RYR1: variants seen among roughly 807,000 people sequenced by gnomAD.
The protein encoded by RYR1 is ryanodine receptor 1, also known as central core disease of muscle.
In RYR1, 342 loss-of-function variants were observed where a neutral mutation model predicts 583.5. The observed-to-expected ratio is 0.59, with a 90% CI of 0.54 to 0.64. The LOEUF (loss-of-function observed/expected upper bound fraction) is 0.64, where lower values mean the gene tolerates loss of function less well. Among genes scored for constraint, RYR1 ranks in the 30% least tolerant of loss-of-function variants. The pLI, the probability that RYR1 is intolerant of heterozygous loss-of-function variation, is 0.00. For synonymous variants in RYR1, 2,791 were observed against 2,822.5 expected (o/e 0.99, Z 0.35); for missense variants, 6,032 against 6,917.2 (o/e 0.87, Z 4.54).
rs1307510140 is a variant in RYR1, at chr19:38,463,791, C to A, written c.2727C>A (p.Phe909Leu). ...NKRLHPCLVD[F>L]HSLPEPERNY... ...GGCTGCACCCGTGTCTTGTGGACTTCCACAGCCTTCCAGAGCCTGAGAGGA... is the reference window on the plus strand; with the variant it reads ...GGCTGCACCCGTGTCTTGTGGACTTACACAGCCTTCCAGAGCCTGAGAGGA... The change falls in exon 22 of 106, where the codon TTC becomes TTA. Residue 909 changes from phenylalanine (F) to leucine (L), a missense_variant. This residue lies in a region of RYR1 where 2,627 missense variants were observed against 2,961.3 expected (regional missense o/e 0.89). Coordinates refer to ENST00000359596, the MANE Select transcript of RYR1 (RefSeq NM_000540.3). 1 of 1,614,070 alleles carries A rather than the reference C, an allele frequency of 6.2e-7. No individual in the cohort carries two copies. The highest frequency in any genetic ancestry group is 1.7e-5 in the Admixed American group (1 of 59,998).
At position 38,478,653 on chromosome 19, in the gene RYR1, G is replaced by A. The variant is rs115315524; in HGVS notation, c.4620+53G>A. 2.9e-4 allele frequency: 466 copies of A among 1,595,154 alleles called. 3 individuals carry two copies. The African/African-American group carries it at 5.4e-3, about 19-fold the overall frequency. On this transcript the variant is annotated intron_variant, in intron 31 of 105. Coordinates refer to ENST00000359596, the MANE Select transcript of RYR1 (RefSeq NM_000540.3). Reference sequence around the variant, plus strand: ...AGAGCATCATGTCCCAGCATCCCAGGACAGCTCTTATAGATGTCCCCTGAG... The same window carrying A: ...AGAGCATCATGTCCCAGCATCCCAGAACAGCTCTTATAGATGTCCCCTGAG...
intron 92 of RYR1, 84 bp downstream of exon 92, chr19:38,567,071 G>A: frequency 6.5e-7 from 1 of 1,542,780 alleles, no homozygotes. Context: ...AGGCCCCAAG[G>A]CTGTCCTGGC....
chr19:38,467,701 G>C lies in RYR1; in HGVS notation c.3270G>C (p.Glu1090Asp). Residue 1090 changes from glutamate to aspartate, a missense_variant, in exon 25 of 106, where the codon GAG (glutamate) becomes GAC (aspartate). This residue lies in a region of RYR1 where 2,627 missense variants were observed against 2,961.3 expected (regional missense o/e 0.89). Coordinates refer to ENST00000359596, the MANE Select transcript of RYR1 (RefSeq NM_000540.3). ...TGCAGAGCGGCCGCTGGTACTTCGAGTTTGAAGCAGTCACCACAGGCGAGA... is the reference window on the plus strand; with the variant it reads ...TGCAGAGCGGCCGCTGGTACTTCGACTTTGAAGCAGTCACCACAGGCGAGA... ...YTVQSGRWYF[E>D]FEAVTTGEMR... 6.2e-7 allele frequency: 1 copy of C among 1,614,240 alleles called. No individual in the cohort carries two copies. Among genetic ancestry groups the C allele is most frequent in the Non-Finnish European group, 8.5e-7 (1 of 1,180,038 alleles).
chr19:38,482,131 G>A (rs1969041118), intron 31 of RYR1, among the ~76,000 whole-genome samples: 2 of 152,004 alleles, frequency 1.3e-5, no homozygotes. Context: ...CAGAGTCTCA[G>A]ACCCCTTCCC....
chr19:38,451,895 C>T lies in RYR1; in HGVS notation c.1244+10C>T. 6.2e-7 allele frequency: 1 copy of T among 1,614,090 alleles called. No homozygotes were observed. The highest frequency in any genetic ancestry group is 8.5e-7 in the Non-Finnish European group (1 of 1,179,974). The stretch of plus-strand genomic sequence containing the variant: ...ACAACCAGTTCATCAAGTGAGCAAC[C>T]TGCCCTCCCTGCTGGGGTGACTCCT... On this transcript the variant is annotated intron_variant, in intron 12 of 105. Transcript: ENST00000359596.
intron 47 of RYR1, among the ~76,000 whole-genome samples, chr19:38,501,256 T>C (rs1970104349): frequency 6.6e-6 from 1 of 152,098 alleles, no homozygotes; most frequent in South Asian, 2.1e-4. Context: ...TCCCAGCACT[T>C]TGGGGAGCCG....
intron 37 of RYR1, among the ~76,000 whole-genome samples, chr19:38,491,988 C>G (rs892136602): frequency 6.6e-6 from 1 of 151,968 alleles, no homozygotes; most frequent in Non-Finnish European, 1.5e-5. Context: ...TCCTTTAGTT[C>G]TTTGAACATA....
chr19:38,567,925 T>G lies in RYR1; in HGVS notation c.13659+8T>G. The G allele has an allele frequency of 6.2e-7, 1 of 1,612,792 alleles. No individual in the cohort carries two copies. Among genetic ancestry groups the G allele is most frequent in the South Asian group, 1.1e-5 (1 of 91,018 alleles). On this transcript the variant is annotated splice_region_variant and intron_variant, in intron 93 of 105. Transcript: ENST00000359596. ...CAGAGGGTGAAGTTCCTGGTAAGGATCCAGCCAGGTCACCTGAACCTTCTT... is the reference window on the plus strand; with the variant it reads ...CAGAGGGTGAAGTTCCTGGTAAGGAGCCAGCCAGGTCACCTGAACCTTCTT...
chr19:38,515,242 C>T (rs1970910388), intron 64 of RYR1, 135 bp downstream of exon 64: 1 of 743,084 alleles, frequency 1.3e-6, no homozygotes, highest in Non-Finnish European at 2.3e-6. Flanking sequence ...GCCGCGGTTC[C>T]CCACGGCGGC....
chr19:38,441,011 C>T, intron 2 of RYR1, 147 bp downstream of exon 2: 1 of 688,840 alleles, frequency 1.5e-6, no homozygotes, highest in Non-Finnish European at 2.2e-6. Flanking sequence ...AGAGGGGCTA[C>T]CTGAGGTGGG....
intron 52 of RYR1, 93 bp from the exon 53 acceptor site, chr19:38,505,216 C>A (rs893846097): frequency 8.6e-7 from 1 of 1,164,912 alleles, no homozygotes; most frequent in Non-Finnish European, 1.3e-6. Context: ...TTCTGGGACC[C>A]CCCCAGGATT....
chr19:38,492,706 G>A, intron 38 of RYR1, 70 bp downstream of exon 38: 2 of 1,502,398 alleles, frequency 1.3e-6, no homozygotes, highest in East Asian at 2.4e-5. Flanking sequence ...GAGCCTCTGG[G>A]TCCCAAAGAG....
intron 58 of RYR1, among the ~76,000 whole-genome samples, chr19:38,509,450 A>T (rs10410603): frequency 0.14 from 15,070 of 104,108 alleles, 1,214 homozygotes; most frequent in Middle Eastern, 0.23. Context: ...TATTATTATT[A>T]TTTTTTTTTT....
chr19:38,537,995 G>T (rs772640123), intron 84 of RYR1, 35 bp downstream of exon 84: 11 of 1,594,678 alleles, frequency 6.9e-6, no homozygotes, highest in Non-Finnish European at 9.5e-6. Context: ...AGGGGAAGCC[G>T]AGGTTTGGGG....
At chr19:38,581,450 C>T (rs771179911) in intron 101 of RYR1, among the ~76,000 whole-genome samples, 13 of 151,956 alleles carry the variant, frequency 8.6e-5, no homozygotes, top group East Asian at 1.9e-4. Flanking sequence ...CCTGTGCCGT[C>T]GTGATCTGCC....
chr19:38,511,003 G>T (rs1479273413), intron 60 of RYR1, among the ~76,000 whole-genome samples: 1 of 152,178 alleles, frequency 6.6e-6, no homozygotes, highest in African/African-American at 2.4e-5. Flanking sequence ...TGTCCAGGAA[G>T]GCCAACTCAA....
intron 1 of RYR1, among the ~76,000 whole-genome samples, chr19:38,439,252 C>G (rs941081302): frequency 2.6e-5 from 4 of 151,768 alleles, no homozygotes; most frequent in Non-Finnish European, 4.4e-5. Context: ...CTTGTTGCCC[C>G]AGACTGGAGT....
Position 38,567,823 on chromosome 19 carries a change from C to G in RYR1, c.13565C>G (p.Pro4522Arg), listed in dbSNP as rs145167688. Reference protein sequence around the residue: ...EEVPEPTPEPPKKQAPPSPPP... With the variant: ...EEVPEPTPEPRKKQAPPSPPP... ...GTTCCCGAGCCCACACCAGAGCCCC[C>G]CAAGAAGCAAGCACCTCCCTCACCC... Residue 4522 changes from proline (P) to arginine (R), a missense_variant, in exon 93 of 106, where the codon CCC becomes CGC. Physicochemically the swap from Pro to Arg is moderately radical, Grantham distance 103 (BLOSUM62 -2). Around this residue, in one of 11 missense-constraint regions of RYR1, gnomAD observed 753 missense variants for 759.6 expected, o/e 0.99. Coordinates refer to ENST00000359596, the MANE Select transcript of RYR1 (RefSeq NM_000540.3). 70 of 1,614,018 alleles carry G rather than the reference C, an allele frequency of 4.3e-5. No individual in the cohort carries two copies. Among genetic ancestry groups the G allele is most frequent in the African/African-American group, 1.3e-4 (10 of 74,932 alleles).
At chr19:38,478,131 A>G (rs370315242) in intron 30 of RYR1, among the ~76,000 whole-genome samples, 2 of 147,414 alleles carry the variant, frequency 1.4e-5, no homozygotes, top group Non-Finnish European at 3.0e-5. Flanking sequence ...TTTCCTTCTC[A>G]TCCTGTTTCA....
Sources: gnomAD v4.1 joint callset for allele counts (sites outside exome capture counted in the v4.1 genomes callset) on GRCh38, gnomAD v4.1.1 for gene constraint, gnomAD v4.1.1 regional missense constraint, MANE v1.5 for transcripts, NCBI Gene and HGNC (gene_info 2026-07-23, HGNC 2026-07-21) for gene names.